UVRAG: variants seen among roughly 807,000 people sequenced by gnomAD.
The protein encoded by UVRAG is UV radiation resistance associated.
A neutral mutation model predicts 78.0 loss-of-function variants in UVRAG; 19 were observed. The ratio of observed to expected loss-of-function variants is 0.24; its 90% CI spans 0.17 to 0.36. The LOEUF (loss-of-function observed/expected upper bound fraction) is 0.36. Among genes scored for constraint, UVRAG ranks in the 10% least tolerant of loss-of-function variants. The pLI, the probability that UVRAG is intolerant of heterozygous loss-of-function variation, is 1.00. For synonymous variants in UVRAG, 323 were observed against 324.6 expected, an observed-to-expected ratio of 1.00 and a Z score of 0.05; for missense variants, 740 against 853.8, an observed-to-expected ratio of 0.87 and a Z score of 1.66.
intron 7 of UVRAG, among the ~76,000 whole-genome samples, chr11:75,980,311 G>A (rs1949364318): frequency 6.6e-6 from 1 of 152,112 alleles, no homozygotes; most frequent in South Asian, 2.1e-4. Flanking sequence ...ATAGGTGCAT[G>A]CCACCGCATC....
intron 7 of UVRAG, among the ~76,000 whole-genome samples, chr11:75,982,582 T>C (rs1445388709): frequency 1.3e-5 from 2 of 152,162 alleles, no homozygotes; most frequent in Non-Finnish European, 2.9e-5. Flanking sequence ...AGTTACCACA[T>C]GGGACTCGTT....
At chr11:75,935,130 A>G (rs1948341695) in intron 6 of UVRAG, 1 of 152,254 alleles carries the variant, frequency 6.6e-6, no homozygotes, top group Admixed American at 6.5e-5. Flanking sequence ...CAACCTTTAC[A>G]AAAAGAATCA....
intron 6 of UVRAG, among the ~76,000 whole-genome samples, chr11:75,919,155 A>T (rs1456371830): frequency 6.6e-6 from 1 of 152,232 alleles, no homozygotes; most frequent in African/African-American, 2.4e-5. Context: ...GATGAGAAGT[A>T]TAAGGTATAA....
chr11:75,953,212 C>T (rs1282996743), intron 6 of UVRAG, among the ~76,000 whole-genome samples: 1 of 152,102 alleles, frequency 6.6e-6, no homozygotes, highest in Non-Finnish European at 1.5e-5. Flanking sequence ...TAGGACAGAG[C>T]CATTTGTTAC....
chr11:75,999,739 T>C (rs534526357), intron 8 of UVRAG, among the ~76,000 whole-genome samples: 58 of 152,208 alleles, frequency 3.8e-4, no homozygotes, highest in Non-Finnish European at 7.4e-4. Context: ...TGAATATTTC[T>C]AATCAGAAAA....
chr11:76,055,165 A>T (rs1206386589), intron 12 of UVRAG, among the ~76,000 whole-genome samples: 1 of 152,032 alleles, frequency 6.6e-6, no homozygotes, highest in Non-Finnish European at 1.5e-5. Flanking sequence ...CTCCCACCTC[A>T]GCCTCCCAAG....
chr11:76,018,807 A>G (rs1950192724), intron 12 of UVRAG, among the ~76,000 whole-genome samples: 1 of 152,196 alleles, frequency 6.6e-6, no homozygotes, highest in African/African-American at 2.4e-5. Flanking sequence ...TGATTGTTAA[A>G]TGCTTTAAGG....
intron 5 of UVRAG, among the ~76,000 whole-genome samples, chr11:75,898,647 A>T (rs1294671421): frequency 6.6e-6 from 1 of 152,172 alleles, no homozygotes; most frequent in Non-Finnish European, 1.5e-5. Flanking sequence ...AGGTGATGTG[A>T]TAGAAGATTT....
rs145863733 is a variant in UVRAG at position 76,037,634 on chromosome 11, C to G, written c.1226+20654C>G. 7.2e-3 allele frequency among the ~76,000 whole-genome samples: 1,087 copies of G among 151,824 alleles called. 13 individuals are homozygous for G. Among genetic ancestry groups the G allele is most frequent in the African/African-American group, 0.025 (1,032 of 41,378 alleles). ...GGCTGAGGTGGGAGAATCACTTGAG[C>G]CTGGGAGGTTGAGACTGCAGTGAGC... is the stretch of plus-strand genomic sequence containing the variant. On this transcript the variant is annotated intron_variant, in intron 12 of 14. Coordinates refer to ENST00000356136, the MANE Select transcript of UVRAG (RefSeq NM_003369.4).
intron 12 of UVRAG, among the ~76,000 whole-genome samples, chr11:76,043,480 A>G (rs947946667): frequency 1.3e-5 from 2 of 152,198 alleles, no homozygotes; most frequent in Non-Finnish European, 2.9e-5. Context: ...ACATCTTGAT[A>G]TATTGGTATG....
At chr11:76,042,918 T>C (rs1950677386) in intron 12 of UVRAG, among the ~76,000 whole-genome samples, 1 of 152,242 alleles carries the variant, frequency 6.6e-6, no homozygotes, top group Admixed American at 6.5e-5. Flanking sequence ...CCCAATTTTC[T>C]AAGGATGGCA....
At chr11:76,092,803 A>G (rs555027574) in intron 13 of UVRAG, among the ~76,000 whole-genome samples, 4 of 152,136 alleles carry the variant, frequency 2.6e-5, no homozygotes, top group East Asian at 3.9e-4. Context: ...CACTCTGATG[A>G]TAGTTTCTTT....
intron 11 of UVRAG, among the ~76,000 whole-genome samples, chr11:76,011,123 A>G (rs1950042542): frequency 6.6e-6 from 1 of 152,182 alleles, no homozygotes; most frequent in African/African-American, 2.4e-5. Context: ...GTAGTTATCT[A>G]CACTTACAAT....
At chr11:75,956,075 T>A (rs946426372) in intron 6 of UVRAG, among the ~76,000 whole-genome samples, 1 of 152,164 alleles carries the variant, frequency 6.6e-6, no homozygotes, top group Admixed American at 6.5e-5. Flanking sequence ...ACTCAACATA[T>A]TGTTTTTGAG....
At chr11:75,827,220 A>G (rs1945534328) in intron 1 of UVRAG, among the ~76,000 whole-genome samples, 1 of 151,546 alleles carries the variant, frequency 6.6e-6, no homozygotes, top group African/African-American at 2.4e-5. Flanking sequence ...TTTTTTCTCC[A>G]GGAAAAATTT....
intron 13 of UVRAG, among the ~76,000 whole-genome samples, chr11:76,081,481 C>G (rs1951492943): frequency 6.6e-6 from 1 of 152,134 alleles, no homozygotes; most frequent in Admixed American, 6.5e-5. Context: ...GCTGGGATTA[C>G]AGGTGTGAGT....
chr11:75,939,681 G>A (rs1243403189), intron 6 of UVRAG, among the ~76,000 whole-genome samples: 30 of 152,102 alleles, frequency 2.0e-4, no homozygotes. Context: ...TGATTAAAAG[G>A]CTTGGGAGGC....
chr11:75,865,174 C>T (rs1946509639), intron 3 of UVRAG, among the ~76,000 whole-genome samples: 1 of 151,178 alleles, frequency 6.6e-6, no homozygotes, highest in African/African-American at 2.4e-5. Flanking sequence ...GTAATCTCAG[C>T]TACTCGGGAG....
intron 13 of UVRAG, among the ~76,000 whole-genome samples, chr11:76,071,997 CTG>C (rs1303371813): frequency 6.6e-6 from 1 of 152,034 alleles, no homozygotes; most frequent in Non-Finnish European, 1.5e-5. Flanking sequence ...GATCTCAGGA[CTG>C]GAGGTCAGTA....
Sources: allele counts gnomAD v4.1 joint callset (sites outside exome capture counted in the v4.1 genomes callset), GRCh38; gene constraint gnomAD v4.1.1; transcripts MANE v1.5; gene names NCBI Gene and HGNC (gene_info 2026-07-23, HGNC 2026-07-21).